Variants in ALK observed in about 807,000 individuals in gnomAD.
The protein encoded by ALK is ALK tyrosine kinase receptor.
ALK carries 74 observed loss-of-function variants against 163.1 expected under a neutral mutation model. The ratio of observed to expected loss-of-function variants is 0.45; its 90% CI spans 0.38 to 0.55. The LOEUF is 0.55. Ranked by LOEUF, ALK falls within the 20% of genes least tolerant of loss-of-function variation. The probability of loss-of-function intolerance (pLI) is 0.00; values close to 1 mark genes in which losing one functional copy is unlikely to be tolerated. For missense variants in ALK, 2,063 were observed against 2,105.3 expected, an observed-to-expected ratio of 0.98 and a Z score of 0.39; for synonymous variants, 960 against 843.2, an observed-to-expected ratio of 1.14 and a Z score of -2.40.
At chr2:29,812,178 G>T (rs1664776284) in intron 1 of ALK, among the ~76,000 whole-genome samples, 1 of 152,144 alleles carries the variant, frequency 6.6e-6, no homozygotes, top group Non-Finnish European at 1.5e-5. Context: ...CTCAGGTGTT[G>T]TGCCCAATCA....
At chr2:29,710,169 A>T (rs1247465776) in intron 2 of ALK, among the ~76,000 whole-genome samples, 2 of 152,130 alleles carry the variant, frequency 1.3e-5, no homozygotes, top group Non-Finnish European at 1.5e-5. Context: ...ACCATGTAAG[A>T]TGTGGCAAGA....
intron 5 of ALK, among the ~76,000 whole-genome samples, chr2:29,374,817 G>A (rs1264190423): frequency 1.3e-5 from 2 of 152,182 alleles, no homozygotes; most frequent in Non-Finnish European, 2.9e-5. Flanking sequence ...TTTGGAAATA[G>A]GGAGTTTAGA....
At chr2:29,383,017 A>G (rs986856188) in intron 5 of ALK, among the ~76,000 whole-genome samples, 5 of 152,186 alleles carry the variant, frequency 3.3e-5, no homozygotes, top group African/African-American at 1.2e-4. Context: ...AGGCCTGTAC[A>G]TGGAACAGAT....
At chr2:29,218,421 G>T (rs979580531) in intron 23 of ALK, among the ~76,000 whole-genome samples, 1 of 152,174 alleles carries the variant, frequency 6.6e-6, no homozygotes. Context: ...CTGACTCTCC[G>T]AGGGTGGCAC....
intron 3 of ALK, among the ~76,000 whole-genome samples, chr2:29,608,703 C>A (rs777002351): frequency 6.6e-6 from 1 of 152,152 alleles, no homozygotes; most frequent in Non-Finnish European, 1.5e-5. Flanking sequence ...TCCTAATGAC[C>A]AGTTGTGACC....
At chr2:29,737,314 A>G (rs1679919495) in intron 1 of ALK, among the ~76,000 whole-genome samples, 1 of 152,010 alleles carries the variant, frequency 6.6e-6, no homozygotes, top group Admixed American at 6.5e-5. Context: ...TTTTTTCATT[A>G]TGTTTTGATG....
In ALK at chr2:29,537,226, G is replaced by C. The variant is rs144622195; in HGVS notation, c.953-5110C>G. 5.8e-3 allele frequency among the ~76,000 whole-genome samples: 884 copies of C among 152,330 alleles called. 3 individuals are homozygous for C. Among genetic ancestry groups the C allele is most frequent in the Non-Finnish European group, 8.1e-3 (554 of 68,034 alleles). ...CAAGACAATAAAAAAAAGATCGCAA[G>C]GGCATTTCAAAACTATTTGGGACAG... is the stretch of plus-strand genomic sequence containing the variant. On this transcript the variant is annotated intron_variant, in intron 3 of 28. Coordinates refer to ENST00000389048, the MANE Select transcript of ALK (RefSeq NM_004304.5).
At chr2:29,641,338 GA>G (rs1466733430) in intron 3 of ALK, among the ~76,000 whole-genome samples, 4 of 152,006 alleles carry the variant, frequency 2.6e-5, no homozygotes, top group Non-Finnish European at 2.9e-5. Flanking sequence ...CAAGAGTCTT[GA>G]ATGAACAGTA....
chr2:29,903,583 G>T (rs1394931221), intron 1 of ALK, among the ~76,000 whole-genome samples: 1 of 152,166 alleles, frequency 6.6e-6, no homozygotes, highest in Non-Finnish European at 1.5e-5. Context: ...TCAATTGATT[G>T]ATTGCCTCTG....
chr2:29,583,647 T>C (rs1674791133), intron 3 of ALK, among the ~76,000 whole-genome samples: 1 of 152,106 alleles, frequency 6.6e-6, no homozygotes, highest in South Asian at 2.1e-4. Flanking sequence ...AAGAGAACTA[T>C]CTAGAAGGAC....
At chr2:29,456,268 C>T (rs1428990138) in intron 4 of ALK, among the ~76,000 whole-genome samples, 1 of 152,098 alleles carries the variant, frequency 6.6e-6, no homozygotes, top group Non-Finnish European at 1.5e-5. Context: ...TATTTGTACA[C>T]CCACGTTCAT....
intron 1 of ALK, among the ~76,000 whole-genome samples, chr2:29,896,295 G>T (rs1667269514): frequency 6.6e-6 from 1 of 152,134 alleles, no homozygotes; most frequent in Admixed American, 6.5e-5. Flanking sequence ...CCCCAAGAGG[G>T]AATGTCTTGA....
chr2:29,610,681 A>G (rs1330261968), intron 3 of ALK, among the ~76,000 whole-genome samples: 1 of 152,122 alleles, frequency 6.6e-6, no homozygotes, highest in African/African-American at 2.4e-5. Flanking sequence ...AGATCTATTA[A>G]TTGTCCTGTG....
chr2:29,416,829 C>G (rs1669890896), intron 4 of ALK, among the ~76,000 whole-genome samples: 1 of 152,062 alleles, frequency 6.6e-6, no homozygotes, highest in Non-Finnish European at 1.5e-5. Flanking sequence ...TGAACTTCAA[C>G]TTTTCCATCT....
At chr2:29,698,121 T>C (rs562041886) in intron 2 of ALK, among the ~76,000 whole-genome samples, 1 of 152,332 alleles carries the variant, frequency 6.6e-6, no homozygotes, top group South Asian at 2.1e-4. Flanking sequence ...CTTGCCTTCA[T>C]AGTGGCAAGC....
chr2:29,554,046 T>C (rs1429812201), intron 3 of ALK, among the ~76,000 whole-genome samples: 3 of 152,236 alleles, frequency 2.0e-5, no homozygotes, highest in African/African-American at 4.8e-5. Flanking sequence ...GACAATTTTA[T>C]GCTATCAAAT....
rs60429543 is a variant in ALK at position 29,571,602 on chromosome 2, C to CTTTTTTTTTTTTTTTTTTTTTTTT, written c.953-39510_953-39487dup. Among the ~76,000 whole-genome samples the CTTTTTTTTTTTTTTTTTTTTTTTT allele has an allele frequency of 1.9e-4, 13 of 68,532 alleles. 1 individual carries two copies. The highest frequency in any genetic ancestry group is 2.2e-4 in the African/African-American group (3 of 13,634). 45.0% of individuals were successfully genotyped at this position (68,532 alleles called of 152,430 possible). A position where few individuals can be genotyped will look rare whatever the true frequency, so the allele number is the denominator to read the frequency against. ...TAAATTACCTAGTCTTGGCTCATATCTTTTTTTTTTTTTTTTTTTTTTTTT... is the reference window on the plus strand; with the variant it reads ...TAAATTACCTAGTCTTGGCTCATATCTTTTTTTTTTTTTTTTTTTTTTTTTTTTTTTTTTTTTTTTTTTTTTTTT... On this transcript the variant is annotated intron_variant, in intron 3 of 28. Coordinates refer to ENST00000389048, the MANE Select transcript of ALK (RefSeq NM_004304.5).
intron 4 of ALK, among the ~76,000 whole-genome samples, chr2:29,417,312 G>A (rs1277742615): frequency 6.6e-6 from 1 of 152,192 alleles, no homozygotes; most frequent in African/African-American, 2.4e-5. Flanking sequence ...GTCAATAAAT[G>A]TGAGTATCCT....
At chr2:29,539,774 G>A (rs1314792698) in intron 3 of ALK, among the ~76,000 whole-genome samples, 2 of 152,118 alleles carry the variant, frequency 1.3e-5, no homozygotes, top group South Asian at 2.1e-4. Flanking sequence ...ACTTCTTTTT[G>A]TTTGAAACAT....
Sources: gnomAD v4.1 joint callset for allele counts (sites outside exome capture counted in the v4.1 genomes callset) on GRCh38, gnomAD v4.1.1 for gene constraint, MANE v1.5 for transcripts, NCBI Gene and HGNC (gene_info 2026-07-23, HGNC 2026-07-21) for gene names.